SYDE2: variants seen among roughly 807,000 people sequenced by gnomAD.
SYDE2 encodes the protein rho GTPase-activating protein SYDE2.
In SYDE2, 76 loss-of-function variants were observed where a neutral mutation model predicts 91.5. That is an observed-to-expected ratio of 0.83 (90% CI 0.69 to 1.01). The LOEUF (loss-of-function observed/expected upper bound fraction) is 1.01, where lower values mean the gene tolerates loss of function less well. SYDE2 is among the 50% of genes least tolerant of loss of function. SYDE2 has a pLI of 0.00. For synonymous variants in SYDE2, 513 were observed against 506.4 expected, an observed-to-expected ratio of 1.01 and a Z score of -0.18; for missense variants, 1,364 against 1,367.7, an observed-to-expected ratio of 1.00 and a Z score of 0.04.
intron 6 of SYDE2, among the ~76,000 whole-genome samples, chr1:85,163,480 T>TATATATATATATATA (rs1216698478): frequency 7.4e-6 from 1 of 134,650 alleles, no homozygotes; most frequent in African/African-American, 3.0e-5. Flanking sequence ...TATATATATA[T>TATATATATATATATA]AACAAAAGAG....
At chr1:85,163,270 C>T (rs4907138) in intron 6 of SYDE2, among the ~76,000 whole-genome samples, 27,445 of 150,930 alleles carry the variant, frequency 0.18, 2,579 homozygotes, top group East Asian at 0.28. Context: ...CCATGCCCAG[C>T]TAAATTTTTG....
At position 85,157,280 on chromosome 1, in the gene SYDE2, A is replaced by G. The variant is rs905580422; in HGVS notation, c.*1470T>C. The G allele has an allele frequency of 6.6e-6, 1 of 152,024 alleles. No individual in the cohort carries two copies. Among genetic ancestry groups the G allele is most frequent in the Non-Finnish European group, 1.5e-5 (1 of 67,908 alleles). 9.4% of individuals were successfully genotyped at this position (152,024 alleles called of 1,614,324 possible). A position where few individuals can be genotyped will look rare whatever the true frequency, so the allele number is the denominator to read the frequency against. ...TACATATTCTGTAGATATAAAAGTT[A>G]AAAAAATACATTTTGATTTAATACA... On this transcript the variant is annotated 3_prime_UTR_variant, in exon 7 of 7. Coordinates refer to ENST00000341460, the MANE Select transcript of SYDE2 (RefSeq NM_032184.2).
intron 2 of SYDE2, among the ~76,000 whole-genome samples, chr1:85,187,579 C>A (rs375707177): frequency 6.7e-6 from 1 of 149,992 alleles, no homozygotes; most frequent in African/African-American, 2.4e-5. Flanking sequence ...ATGTTTATTG[C>A]GGCACTATTC....
intron 6 of SYDE2, among the ~76,000 whole-genome samples, chr1:85,164,251 C>T (rs1329367714): frequency 6.6e-6 from 1 of 152,126 alleles, no homozygotes; most frequent in East Asian, 1.9e-4. Flanking sequence ...GAAACCAACC[C>T]AAGGTCAGAT....
intron 3 of SYDE2, among the ~76,000 whole-genome samples, chr1:85,178,508 A>G (rs540731375): frequency 3.6e-4 from 55 of 152,284 alleles, no homozygotes; most frequent in African/African-American, 1.2e-3. Context: ...CTGGCTACCT[A>G]TCTTAAGCAA....
downstream of SYDE2, chr1:85,153,977 G>C (rs915083868): frequency 6.6e-6 from 1 of 152,062 alleles, no homozygotes; most frequent in Non-Finnish European, 1.5e-5. Flanking sequence ...TTCTGCCTGA[G>C]TTAGCAAGTC....
At chr1:85,193,455 A>G (rs1658451335) in intron 1 of SYDE2, among the ~76,000 whole-genome samples, 1 of 152,154 alleles carries the variant, frequency 6.6e-6, no homozygotes, top group South Asian at 2.1e-4. Flanking sequence ...CACATTCATT[A>G]TTTTAAATCT....
Position 85,192,339 on chromosome 1 carries a change from G to A in SYDE2, c.746-1587C>T, listed in dbSNP as rs190250897. Reference sequence around the variant, plus strand: ...GGGAAGATTGCCTGAGCCCAGGAATGTGAGGCTGCAGTGAGCTATGATTGT... The same window carrying A: ...GGGAAGATTGCCTGAGCCCAGGAATATGAGGCTGCAGTGAGCTATGATTGT... On this transcript the variant is annotated intron_variant, in intron 1 of 6. Coordinates refer to ENST00000341460, the MANE Select transcript of SYDE2 (RefSeq NM_032184.2). 2.2e-3 allele frequency among the ~76,000 whole-genome samples: 330 copies of A among 152,164 alleles called. 1 individual carries two copies. The highest frequency in any genetic ancestry group is 2.4e-3 in the Non-Finnish European group (162 of 67,984).
chr1:85,181,250 C>G (rs1025463434), intron 3 of SYDE2: 1 of 140,714 alleles, frequency 7.1e-6, no homozygotes, highest in African/African-American at 2.6e-5. Context: ...CTCCTGGGTT[C>G]AAACAATTCT....
chr1:85,197,777 C>T (rs4243776), intron 1 of SYDE2, among the ~76,000 whole-genome samples: 27,357 of 151,960 alleles, frequency 0.18, 2,726 homozygotes, highest in East Asian at 0.29. Context: ...GCCTCAGCCT[C>T]CCGAGTAGCT....
At chr1:85,184,954 A>C (rs1049143332) in intron 2 of SYDE2, among the ~76,000 whole-genome samples, 1 of 151,898 alleles carries the variant, frequency 6.6e-6, no homozygotes, top group African/African-American at 2.4e-5. Context: ...CATTAGGATG[A>C]ATTAGCTTTC....
chr1:85,153,833 T>C (rs534076986), downstream of SYDE2: 1 of 152,218 alleles, frequency 6.6e-6, no homozygotes, highest in African/African-American at 2.4e-5. Context: ...GTATGACATA[T>C]AAAGGGCACA....
rs1408710269 is a variant in SYDE2, at chr1:85,200,418, C to T, written c.579G>A (p.Lys193=). Reference sequence around the variant, plus strand: ...ACAGCAGACGCCCTTTGTACATCCACTTCTGCAGCTTCTTGACTGTCACTG... The same window carrying T: ...ACAGCAGACGCCCTTTGTACATCCATTTCTGCAGCTTCTTGACTGTCACTG... ...PPAVTVKKLQ[K]WMYKGRLLSL... is the part of the protein sequence containing the mutation. Residue 193 remains lysine (K), a synonymous_variant, in exon 1 of 7, where the codon AAG becomes AAA. Transcript: ENST00000341460. 5 of 1,614,058 alleles carry T rather than the reference C, an allele frequency of 3.1e-6. No homozygotes were observed. The highest frequency in any genetic ancestry group is 1.3e-5 in the African/African-American group (1 of 75,072).
chr1:85,194,205 T>C (rs913203657), intron 1 of SYDE2, among the ~76,000 whole-genome samples: 2 of 151,484 alleles, frequency 1.3e-5, no homozygotes, highest in Non-Finnish European at 2.9e-5. Flanking sequence ...TCCACATGAA[T>C]GTAAATTCAT....
intron 4 of SYDE2, among the ~76,000 whole-genome samples, chr1:85,175,247 C>T (rs551806713): frequency 1.2e-3 from 177 of 152,330 alleles, no homozygotes; most frequent in African/African-American, 4.0e-3. Context: ...CGCCTGTAAT[C>T]CCAGCACTTT....
In SYDE2 at chr1:85,190,544, A is replaced by T; in HGVS notation, c.954T>A (p.Pro318=). The change falls in exon 2 of 7, where the codon CCT becomes CCA. Residue 318 remains proline, a synonymous_variant. Transcript: ENST00000341460. ...CQDRSHLSIS[P]VSLPKHQLSQ... is the part of the protein sequence containing the mutation. ...ATAGCTGATGTTTAGGTAGAGACACAGGTGAGATGGATAAATGACTTCTAT... is the reference window on the plus strand; with the variant it reads ...ATAGCTGATGTTTAGGTAGAGACACTGGTGAGATGGATAAATGACTTCTAT... 1 of 1,613,988 alleles carries T rather than the reference A, an allele frequency of 6.2e-7. No individual in the cohort carries two copies. Among genetic ancestry groups the T allele is most frequent in the Non-Finnish European group, 8.5e-7 (1 of 1,179,864 alleles).
At chr1:85,186,244 G>A (rs1472995260) in intron 2 of SYDE2, among the ~76,000 whole-genome samples, 1 of 152,054 alleles carries the variant, frequency 6.6e-6, no homozygotes, top group Non-Finnish European at 1.5e-5. Flanking sequence ...CAAGGATATT[G>A]GTCTAAAATT....
At chr1:85,166,232 C>G (rs977126987) in intron 5 of SYDE2, among the ~76,000 whole-genome samples, 1 of 151,468 alleles carries the variant, frequency 6.6e-6, no homozygotes, top group Non-Finnish European at 1.5e-5. Context: ...CCCAGCTACT[C>G]AGGAAGCTGA....
Position 85,178,313 on chromosome 1 carries a change from A to C in SYDE2, c.2545-41T>G. The stretch of plus-strand genomic sequence containing the variant: ...TGGCCACATTACAGTAAATTTGATA[A>C]AGGGAAAATATAATTGCATTATAGA... On this transcript the variant is annotated intron_variant, in intron 3 of 6. Coordinates refer to ENST00000341460, the MANE Select transcript of SYDE2 (RefSeq NM_032184.2). The C allele has an allele frequency of 2.0e-6, 3 of 1,518,946 alleles. No homozygotes were observed. In the South Asian group the frequency reaches 3.8e-5, roughly 19 times the overall value. The allele number at this position is 1,518,946 out of a possible 1,614,324, so 94.1% of individuals were successfully genotyped here. A position where few individuals can be genotyped will look rare whatever the true frequency, so the allele number is the denominator to read the frequency against.
Sources: gnomAD v4.1 joint callset for allele counts (sites outside exome capture counted in the v4.1 genomes callset) on GRCh38, gnomAD v4.1.1 for gene constraint, MANE v1.5 for transcripts, NCBI Gene and HGNC (gene_info 2026-07-23, HGNC 2026-07-21) for gene names.